The following PACSIN1 variants were observed in gnomAD, a reference collection of about 807,000 sequenced individuals.
The protein encoded by PACSIN1 is protein kinase C and casein kinase substrate in neurons 1.
A neutral mutation model predicts 59.5 loss-of-function variants in PACSIN1; 15 were observed. The observed-to-expected ratio is 0.25, with a 90% CI of 0.17 to 0.39. The LOEUF (loss-of-function observed/expected upper bound fraction) is 0.39, where lower values mean the gene tolerates loss of function less well. Among genes scored for constraint, PACSIN1 ranks in the 10% least tolerant of loss-of-function variants. The pLI is 1.00. For synonymous variants in PACSIN1, 210 were observed against 220.6 expected (o/e 0.95, Z 0.42); for missense variants, 420 against 580.2 (o/e 0.72, Z 2.84).
Position 34,525,887 on chromosome 6 carries a change from A to G in PACSIN1, c.-63-356A>G, listed in dbSNP as rs1767472669. On this transcript the variant is annotated intron_variant, in intron 1 of 9. Transcript: ENST00000244458. The surrounding 1 kb of genome is among the most constrained non-coding windows in gnomAD (Gnocchi z 4.9). ...TGGGAGCAAGGGCAGACAGAAGGGC[A>G]TTTACAGGGTCCCGGGGCTCAGATA... 6.6e-6 allele frequency among the ~76,000 whole-genome samples: 1 copy of G among 152,042 alleles called. No homozygotes were observed. The highest frequency in any genetic ancestry group is 2.4e-5 in the African/African-American group (1 of 41,388).
chr6:34,484,750 G>A (rs573272188), intron 1 of PACSIN1, among the ~76,000 whole-genome samples: 27 of 152,070 alleles, frequency 1.8e-4, no homozygotes, highest in African/African-American at 6.3e-4. Flanking sequence ...ATTTTTCTAG[G>A]AGCCTAAAAC....
In PACSIN1 at chr6:34,527,350, A is replaced by AAG; in HGVS notation, c.82_83insAG (p.Thr28LysfsTer3). On this transcript the variant is annotated frameshift_variant, in exon 3 of 10. Coordinates refer to ENST00000244458, the MANE Select transcript of PACSIN1 (RefSeq NM_020804.5). LOFTEE classifies it high-confidence loss of function. Reference sequence around the variant, plus strand: ...CCGCCAGGTGGGGAACTACAAGCGGACCGTGAAGCGCATCGATGACGGCCA... The same window carrying AAG: ...CCGCCAGGTGGGGAACTACAAGCGGAAGCCGTGAAGCGCATCGATGACGGCCA... 6.3e-7 allele frequency: 1 copy of AAG among 1,588,076 alleles called. No individual in the cohort carries two copies. Among genetic ancestry groups the AAG allele is most frequent in the Non-Finnish European group, 8.6e-7 (1 of 1,168,064 alleles).
In PACSIN1 at chr6:34,531,728, G is replaced by T. The variant is rs767367808; in HGVS notation, c.1166G>T (p.Arg389Leu). Residue 389 changes from arginine to leucine, a missense_variant, in exon 9 of 10, where the codon CGC becomes CTC. Transcript: ENST00000244458. This position sits in a 1 kb window ranked among gnomAD's most constrained non-coding sequence, Gnocchi z 4.4. ...TTTGAGGACGACTCCAAGGGAGTGC[G>T]CGTGCGGGCACTCTACGACTATGAC... ...NPFEDDSKGV[R>L]VRALYDYDGQ... The T allele has an allele frequency of 6.2e-7, 1 of 1,606,840 alleles. No homozygotes were observed. Among genetic ancestry groups the T allele is most frequent in the South Asian group, 1.1e-5 (1 of 90,478 alleles).
At chr6:34,484,816 C>CAT in intron 1 of PACSIN1, among the ~76,000 whole-genome samples, 1 of 151,370 alleles carries the variant, frequency 6.6e-6, no homozygotes, top group Non-Finnish European at 1.5e-5. Context: ...CACATACACA[C>CAT]ATATATATTA....
chr6:34,499,287 G>T (rs1486667348), intron 1 of PACSIN1, among the ~76,000 whole-genome samples: 1 of 151,638 alleles, frequency 6.6e-6, no homozygotes, highest in Non-Finnish European at 1.5e-5. Flanking sequence ...CAGAGCTTAG[G>T]CGGTAATGTG....
chr6:34,512,675 G>A (rs1033300027), intron 1 of PACSIN1, among the ~76,000 whole-genome samples: 8 of 152,224 alleles, frequency 5.3e-5, no homozygotes, highest in African/African-American at 1.7e-4. Flanking sequence ...GAGGTTGATT[G>A]TGGGGTCCTC....
At chr6:34,496,391 G>C (rs1304690823) in intron 1 of PACSIN1, among the ~76,000 whole-genome samples, 1 of 152,158 alleles carries the variant, frequency 6.6e-6, no homozygotes. Flanking sequence ...GGCTGAGGGG[G>C]GTGGGGGCTG....
At position 34,521,378 on chromosome 6, in the gene PACSIN1, C is replaced by T. The variant is rs970061006; in HGVS notation, c.-63-4865C>T. 1.3e-5 allele frequency among the ~76,000 whole-genome samples: 2 copies of T among 152,180 alleles called. No homozygotes were observed. Among genetic ancestry groups the T allele is most frequent in the Non-Finnish European group, 2.9e-5 (2 of 68,014 alleles). On this transcript the variant is annotated intron_variant, in intron 1 of 9. Transcript: ENST00000244458. This position sits in a 1 kb window ranked among gnomAD's most constrained non-coding sequence, Gnocchi z 4.3. ...GAGGCCTGGCCTCTCCAGGCTCCTGCTCTTAATTCCTCTGTCCCTTCCTCA... is the reference window on the plus strand; with the variant it reads ...GAGGCCTGGCCTCTCCAGGCTCCTGTTCTTAATTCCTCTGTCCCTTCCTCA...
At chr6:34,470,163 G>C (rs1041119282) in intron 1 of PACSIN1, among the ~76,000 whole-genome samples, 2 of 151,828 alleles carry the variant, frequency 1.3e-5, no homozygotes, top group African/African-American at 4.8e-5. Flanking sequence ...GGGAGGGCAG[G>C]GGAGGCCTTG....
At position 34,470,769 on chromosome 6, in the gene PACSIN1, A is replaced by G. The variant is rs540074120; in HGVS notation, c.-64+4499A>G. 3.9e-4 allele frequency among the ~76,000 whole-genome samples: 59 copies of G among 152,266 alleles called. 1 individual carries two copies. In the South Asian group the frequency reaches 0.012, roughly 30 times the overall value. On this transcript the variant is annotated intron_variant, in intron 1 of 9. Transcript: ENST00000244458. Reference sequence around the variant, plus strand: ...GTAGGGGCTAGGGTAGTCTTTCTATATAAAATGCAGCATACTCAGGTAATT... The same window carrying G: ...GTAGGGGCTAGGGTAGTCTTTCTATGTAAAATGCAGCATACTCAGGTAATT...
Position 34,502,552 on chromosome 6 carries a change from G to A in PACSIN1, c.-63-23691G>A, listed in dbSNP as rs184872422. Reference sequence around the variant, plus strand: ...GTGATCTCGGCTCACTACAAGTTCCGCCTCCTGGGCTCACGCCATTCTCCT... The same window carrying A: ...GTGATCTCGGCTCACTACAAGTTCCACCTCCTGGGCTCACGCCATTCTCCT... On this transcript the variant is annotated intron_variant, in intron 1 of 9. Transcript: ENST00000244458. Among the ~76,000 whole-genome samples the A allele has an allele frequency of 5.9e-5, 8 of 136,002 alleles. No homozygotes were observed. In the East Asian group the frequency reaches 1.4e-3, roughly 23 times the overall value. The allele number at this position is 136,002 out of a possible 152,430, so 89.2% of individuals were successfully genotyped here. A position where few individuals can be genotyped will look rare whatever the true frequency, so the allele number is the denominator to read the frequency against.
At chr6:34,470,800 T>A (rs555426875) in intron 1 of PACSIN1, among the ~76,000 whole-genome samples, 1 of 152,296 alleles carries the variant, frequency 6.6e-6, no homozygotes, top group Admixed American at 6.5e-5. Flanking sequence ...TAATTTTAAA[T>A]TTCAGAAAAA....
At chr6:34,522,107 G>T (rs1259348643) in intron 1 of PACSIN1, among the ~76,000 whole-genome samples, 1 of 152,204 alleles carries the variant, frequency 6.6e-6, no homozygotes. Context: ...GAGGTGCTGG[G>T]TGTGAGGGCC....
At chr6:34,510,062 A>G (rs948140876) in intron 1 of PACSIN1, among the ~76,000 whole-genome samples, 1 of 152,252 alleles carries the variant, frequency 6.6e-6, no homozygotes, top group African/African-American at 2.4e-5. Flanking sequence ...TACCTCAACT[A>G]TATGCAGTAA....
In PACSIN1 at chr6:34,532,174, G is replaced by A. The variant is rs901195673; in HGVS notation, c.1226-247G>A. 1.3e-4 allele frequency among the ~76,000 whole-genome samples: 20 copies of A among 152,060 alleles called. No homozygotes were observed. The highest frequency in any genetic ancestry group is 4.6e-4 in the African/African-American group (19 of 41,388). Reference sequence around the variant, plus strand: ...AACCTGAGAATAGTGTGGATGCGAGGTCTGGTTTTGGGGACGGACCCGACA... The same window carrying A: ...AACCTGAGAATAGTGTGGATGCGAGATCTGGTTTTGGGGACGGACCCGACA... On this transcript the variant is annotated intron_variant, in intron 9 of 9. Transcript: ENST00000244458. This position sits in a 1 kb window ranked among gnomAD's most constrained non-coding sequence, Gnocchi z 5.2.
intron 1 of PACSIN1, among the ~76,000 whole-genome samples, chr6:34,469,388 T>G: frequency 6.6e-6 from 1 of 152,160 alleles, no homozygotes; most frequent in East Asian, 1.9e-4. Flanking sequence ...AGGGGCAGGA[T>G]GGACCGGAGG....
intron 1 of PACSIN1, among the ~76,000 whole-genome samples, chr6:34,504,248 G>GTA (rs1767069380): frequency 2.0e-4 from 1 of 5,052 alleles, no homozygotes; most frequent in Non-Finnish European, 4.9e-4. Flanking sequence ...ACAATGTTAT[G>GTA]TGTGTGTGTG....
Position 34,530,405 on chromosome 6 carries a change from G to A in PACSIN1, c.909+42G>A. Reference sequence around the variant, plus strand: ...ATGGGAAGGGGAGCCTGAAGAGGCTGAAAGGTGCCTCAGGGCATAGTCCCC... The same window carrying A: ...ATGGGAAGGGGAGCCTGAAGAGGCTAAAAGGTGCCTCAGGGCATAGTCCCC... On this transcript the variant is annotated intron_variant, in intron 7 of 9. Transcript: ENST00000244458. This position sits in a 1 kb window ranked among gnomAD's most constrained non-coding sequence, Gnocchi z 4.4. 1.9e-6 allele frequency: 3 copies of A among 1,607,184 alleles called. No individual in the cohort carries two copies. Among genetic ancestry groups the A allele is most frequent in the Middle Eastern group, 3.3e-4 (2 of 6,026 alleles).
intron 1 of PACSIN1, among the ~76,000 whole-genome samples, chr6:34,520,807 GGGCTCTCCAGGAGAAGCCC>G (rs1429263108): frequency 2.0e-5 from 3 of 152,104 alleles, no homozygotes; most frequent in Non-Finnish European, 4.4e-5. Flanking sequence ...GAGGAGGGAA[GGGCTCTCCAGGAGAAGCCC>G]GGCTTGGAGA....
Sources: gnomAD v4.1 joint callset for allele counts (sites outside exome capture counted in the v4.1 genomes callset) on GRCh38, gnomAD v4.1.1 for gene constraint, Gnocchi (gnomAD v3.1) non-coding constraint, MANE v1.5 for transcripts, NCBI Gene and HGNC (gene_info 2026-07-23, HGNC 2026-07-21) for gene names.